Variants in ADAMTSL1 observed in about 807,000 individuals in gnomAD.
ADAMTSL1 encodes the protein ADAMTS-like protein 1.
ADAMTSL1 carries 126 observed loss-of-function variants against 201.8 expected under a neutral mutation model. The observed-to-expected ratio is 0.62, with a 90% CI of 0.54 to 0.72. The LOEUF is 0.72. ADAMTSL1 is among the 30% of genes least tolerant of loss of function. The pLI is 0.00. For missense variants in ADAMTSL1, 2,679 were observed against 2,277.8 expected (o/e 1.18, Z -3.59); for synonymous variants, 1,121 against 903.4 (o/e 1.24, Z -4.32).
At chr9:18,243,311 CCTT>C (rs1175350133) in intron 2 of ADAMTSL1, among the ~76,000 whole-genome samples, 1 of 152,024 alleles carries the variant, frequency 6.6e-6, no homozygotes. Context: ...AAATATTACT[CCTT>C]CTTCTCTTGC....
intron 2 of ADAMTSL1, among the ~76,000 whole-genome samples, chr9:18,267,567 G>A (rs779419418): frequency 6.6e-6 from 1 of 152,090 alleles, no homozygotes; most frequent in Non-Finnish European, 1.5e-5. Context: ...GGCTGCAGGA[G>A]TTCTTACTTA....
At chr9:17,966,450 C>T (rs1006726306) in intron 1 of ADAMTSL1, among the ~76,000 whole-genome samples, 8 of 152,134 alleles carry the variant, frequency 5.3e-5, no homozygotes, top group African/African-American at 1.7e-4. Context: ...TGCCGCATTC[C>T]GATCACAGAC....
chr9:18,516,229 A>G (rs1818359800), intron 2 of ADAMTSL1, among the ~76,000 whole-genome samples: 1 of 152,208 alleles, frequency 6.6e-6, no homozygotes, highest in African/African-American at 2.4e-5. Flanking sequence ...AGTCACTGAG[A>G]AAGAGAGAGA....
chr9:18,033,271 A>C (rs1821053229), intron 1 of ADAMTSL1, among the ~76,000 whole-genome samples: 1 of 151,954 alleles, frequency 6.6e-6, no homozygotes, highest in Admixed American at 6.5e-5. Flanking sequence ...CCAAAGAAAT[A>C]AGTCTGTCAT....
At chr9:17,908,392 C>T (rs966495632) in intron 1 of ADAMTSL1, among the ~76,000 whole-genome samples, 1 of 152,010 alleles carries the variant, frequency 6.6e-6, no homozygotes, top group Non-Finnish European at 1.5e-5. Context: ...AATTCTAAAG[C>T]TCTCGGGTAA....
At chr9:18,756,743 G>A (rs1046308468) in intron 16 of ADAMTSL1, among the ~76,000 whole-genome samples, 28 of 152,166 alleles carry the variant, frequency 1.8e-4, no homozygotes, top group Non-Finnish European at 4.4e-5. Flanking sequence ...CACATGTTTC[G>A]TTTAAAGGAA....
In ADAMTSL1 at chr9:18,910,379, A is replaced by G. The variant is rs532516947; in HGVS notation, c.*1831A>G. ...AATAATTGTACATTGTCATCCAGAA[A>G]CAAAACTATTGGGGGGACTTTATTA... On this transcript the variant is annotated 3_prime_UTR_variant, in exon 29 of 29. Coordinates refer to ENST00000380548, the MANE Select transcript of ADAMTSL1 (RefSeq NM_001040272.6). The G allele has an allele frequency of 1.3e-5, 2 of 152,320 alleles. No individual in the cohort carries two copies. The highest frequency in any genetic ancestry group is 4.8e-5 in the African/African-American group (2 of 41,572). The allele number at this position is 152,320 out of a possible 1,614,324, so 9.4% of individuals were successfully genotyped here.
chr9:18,765,936 T>C (rs1820330089), intron 16 of ADAMTSL1, among the ~76,000 whole-genome samples: 1 of 152,138 alleles, frequency 6.6e-6, no homozygotes, highest in Non-Finnish European at 1.5e-5. Context: ...TGAACCTGGA[T>C]TATTCAAGAG....
intron 10 of ADAMTSL1, among the ~76,000 whole-genome samples, chr9:18,679,397 C>G (rs1249829952): frequency 6.6e-6 from 1 of 152,010 alleles, no homozygotes; most frequent in Non-Finnish European, 1.5e-5. Flanking sequence ...TTTAGAAATT[C>G]TACATTCTGT....
intron 23 of ADAMTSL1, among the ~76,000 whole-genome samples, chr9:18,835,434 A>G (rs1052824341): frequency 9.9e-5 from 15 of 152,106 alleles, no homozygotes; most frequent in African/African-American, 3.6e-4. Context: ...CATTCTCTTA[A>G]CAGTGTCTTA....
intron 15 of ADAMTSL1, among the ~76,000 whole-genome samples, chr9:18,752,184 G>C (rs1019089134): frequency 6.6e-6 from 1 of 152,020 alleles, no homozygotes; most frequent in African/African-American, 2.4e-5. Context: ...ATAACAAACA[G>C]ATTATTACAG....
chr9:18,173,314 C>A (rs1311478394), intron 2 of ADAMTSL1, among the ~76,000 whole-genome samples: 1 of 152,044 alleles, frequency 6.6e-6, no homozygotes, highest in Non-Finnish European at 1.5e-5. Flanking sequence ...TTTTGCCTCA[C>A]AATATAATTA....
intron 8 of ADAMTSL1, 148 bp from the exon 9 acceptor site, chr9:18,661,787 T>A: frequency 1.2e-6 from 1 of 805,248 alleles, no homozygotes; most frequent in East Asian, 2.8e-5. Flanking sequence ...CAAAAATTAA[T>A]GAGCCTTCCA....
intron 2 of ADAMTSL1, among the ~76,000 whole-genome samples, chr9:18,280,404 C>CAA (rs35683008): frequency 3.0e-5 from 4 of 131,926 alleles, no homozygotes; most frequent in African/African-American, 5.8e-5. Flanking sequence ...GTTTATCTCT[C>CAA]AAAAAAAAAA....
At chr9:18,764,057 T>G (rs531501919) in intron 16 of ADAMTSL1, among the ~76,000 whole-genome samples, 10 of 152,306 alleles carry the variant, frequency 6.6e-5, no homozygotes, top group African/African-American at 2.4e-4. Context: ...TTGACAGGGA[T>G]TGCACTGAAT....
intron 2 of ADAMTSL1, among the ~76,000 whole-genome samples, chr9:18,236,586 G>A (rs935649822): frequency 2.6e-5 from 4 of 152,164 alleles, no homozygotes; most frequent in African/African-American, 9.7e-5. Context: ...TCAAAGTTGG[G>A]GGAAAATTCC....
chr9:17,979,084 T>C (rs901623613), intron 1 of ADAMTSL1, among the ~76,000 whole-genome samples: 6 of 152,122 alleles, frequency 3.9e-5, no homozygotes, highest in African/African-American at 7.2e-5. Flanking sequence ...AATCTCTTTT[T>C]TCTTGCTGCT....
In ADAMTSL1 at chr9:18,777,774, T is replaced by C; in HGVS notation, c.3545T>C (p.Val1182Ala). ...CAGCAGCTCTCAGCCTCGGAGGTGG[T>C]CACCCACCTGGGGCAGACGGTGGCC... ...AAQQLSASEV[V>A]THLGQTVALA... The change falls in exon 19 of 29, where the codon GTC becomes GCC. Residue 1182 changes from valine (V) to alanine (A), a missense_variant. Val to Ala is a moderately conservative substitution (Grantham distance 64, BLOSUM62 0). Coordinates refer to ENST00000380548, the MANE Select transcript of ADAMTSL1 (RefSeq NM_001040272.6). The C allele has an allele frequency of 6.2e-7, 1 of 1,613,752 alleles. No homozygotes were observed.
intron 1 of ADAMTSL1, among the ~76,000 whole-genome samples, chr9:17,983,957 G>C (rs1418908207): frequency 6.6e-6 from 1 of 152,094 alleles, no homozygotes; most frequent in Non-Finnish European, 1.5e-5. Context: ...TACTTGGTTT[G>C]TAAATAGATA....
Sources: allele counts gnomAD v4.1 joint callset (sites outside exome capture counted in the v4.1 genomes callset), GRCh38; gene constraint gnomAD v4.1.1; transcripts MANE v1.5; gene names NCBI Gene and HGNC (gene_info 2026-07-23, HGNC 2026-07-21).